TOX: variants seen among roughly 807,000 people sequenced by gnomAD.
The protein encoded by TOX is thymocyte selection associated high mobility group box.
TOX carries 11 observed loss-of-function variants against 53.7 expected under a neutral mutation model. That is an observed-to-expected ratio of 0.20 (90% CI 0.13 to 0.34). The LOEUF (loss-of-function observed/expected upper bound fraction) is 0.34, where lower values mean the gene tolerates loss of function less well. TOX is among the 10% of genes least tolerant of loss of function. The pLI is 1.00. For missense variants in TOX, 570 were observed against 664.6 expected, an observed-to-expected ratio of 0.86 and a Z score of 1.56; for synonymous variants, 225 against 245.3, an observed-to-expected ratio of 0.92 and a Z score of 0.77.
chr8:58,909,798 C>T (rs1210285768), intron 3 of TOX, among the ~76,000 whole-genome samples: 1 of 152,036 alleles, frequency 6.6e-6, no homozygotes, highest in Non-Finnish European at 1.5e-5. Context: ...GCTAGGATTA[C>T]AGGTGCCCAT....
chr8:58,865,148 G>A (rs912024761), intron 3 of TOX, among the ~76,000 whole-genome samples: 1 of 152,254 alleles, frequency 6.6e-6, no homozygotes, highest in Middle Eastern at 3.4e-3. Context: ...ACCCAGCAAA[G>A]CCTGTGGAAC....
At chr8:59,008,548 C>A (rs1813835184) in intron 1 of TOX, among the ~76,000 whole-genome samples, 1 of 150,644 alleles carries the variant, frequency 6.6e-6, no homozygotes, top group Non-Finnish European at 1.5e-5. Context: ...GCTAAGCCAT[C>A]ACCTGAGAGT....
intron 1 of TOX, among the ~76,000 whole-genome samples, chr8:59,089,440 G>A (rs1468938470): frequency 6.6e-6 from 1 of 152,158 alleles, no homozygotes; most frequent in African/African-American, 2.4e-5. Flanking sequence ...GTTCCTGCAA[G>A]TCCCTCATAC....
intron 3 of TOX, among the ~76,000 whole-genome samples, chr8:58,870,741 G>A (rs576151076): frequency 7.2e-5 from 11 of 152,088 alleles, no homozygotes; most frequent in East Asian, 1.9e-4. Context: ...AAATATAGTC[G>A]CTTATCTCTG....
At chr8:59,034,266 T>C (rs151006499) in intron 1 of TOX, among the ~76,000 whole-genome samples, 61 of 152,352 alleles carry the variant, frequency 4.0e-4, no homozygotes, top group African/African-American at 1.3e-3. Flanking sequence ...CAGATAAGAT[T>C]GAAATCTATG....
At position 58,805,946 on chromosome 8, in the gene TOX, A is replaced by G. The variant is rs570508128; in HGVS notation, c.*1801T>C. ...TCTGAGTGGATTACACAATGCATATATTTGTATTTAGTTAAACTGCTAAAT... is the reference window on the plus strand; with the variant it reads ...TCTGAGTGGATTACACAATGCATATGTTTGTATTTAGTTAAACTGCTAAAT... On this transcript the variant is annotated 3_prime_UTR_variant, in exon 9 of 9. Transcript: ENST00000361421. The G allele has an allele frequency of 3.3e-5, 5 of 152,764 alleles. No homozygotes were observed. The highest frequency in any genetic ancestry group is 1.2e-4 in the African/African-American group (5 of 41,584). The allele number at this position is 152,764 out of a possible 1,614,324, so 9.5% of individuals were successfully genotyped here.
At chr8:59,063,881 T>G (rs1337196553) in intron 1 of TOX, among the ~76,000 whole-genome samples, 1 of 151,330 alleles carries the variant, frequency 6.6e-6, no homozygotes, top group African/African-American at 2.4e-5. Context: ...CTTTTTGCTG[T>G]GATATATAAA....
chr8:58,929,257 A>G (rs1812219231), intron 3 of TOX, among the ~76,000 whole-genome samples: 1 of 152,064 alleles, frequency 6.6e-6, no homozygotes. Context: ...TGATTTTGGT[A>G]TTTTTCATAT....
In TOX at chr8:58,920,749, GAA is replaced by G. The variant is rs67652722; in HGVS notation, c.411+18551_411+18552del. Among the ~76,000 whole-genome samples the G allele has an allele frequency of 7.6e-3, 842 of 110,856 alleles. 11 individuals carry two copies. Among genetic ancestry groups the G allele is most frequent in the African/African-American group, 0.027 (795 of 29,868 alleles). The allele number at this position is 110,856 out of a possible 152,430, so 72.7% of individuals were successfully genotyped here. On this transcript the variant is annotated intron_variant, in intron 3 of 8. Coordinates refer to ENST00000361421, the MANE Select transcript of TOX (RefSeq NM_014729.3). ...AAAAAAAAAAAAAGAAAAAAAAGAA[GAA>G]AAAAAAAAAAGAATCTCTGATCTAG... is the stretch of plus-strand genomic sequence containing the variant.
At chr8:59,021,629 T>C (rs929757672) in intron 1 of TOX, among the ~76,000 whole-genome samples, 6 of 151,452 alleles carry the variant, frequency 4.0e-5, no homozygotes, top group African/African-American at 1.5e-4. Context: ...TTGGAACATA[T>C]CCAAAATACA....
chr8:58,945,573 A>T (rs577918195), intron 2 of TOX, among the ~76,000 whole-genome samples: 5 of 152,272 alleles, frequency 3.3e-5, no homozygotes, highest in Admixed American at 3.3e-4. Context: ...ATTCCTTTTT[A>T]ATCATACTGC....
intron 1 of TOX, among the ~76,000 whole-genome samples, chr8:58,986,448 G>A (rs1240864849): frequency 4.6e-5 from 7 of 152,304 alleles, no homozygotes; most frequent in Non-Finnish European, 7.3e-5. Flanking sequence ...TCTAAGCAAC[G>A]TGGATCGAAT....
intron 5 of TOX, among the ~76,000 whole-genome samples, chr8:58,836,354 A>C (rs1459724810): frequency 1.3e-5 from 2 of 152,200 alleles, no homozygotes; most frequent in Admixed American, 1.3e-4. Context: ...AAACTGACCC[A>C]AGTTAGAATA....
intron 1 of TOX, among the ~76,000 whole-genome samples, chr8:59,008,500 A>G (rs2129418561): frequency 6.6e-6 from 1 of 152,360 alleles, no homozygotes; most frequent in Admixed American, 6.5e-5. Flanking sequence ...CAAGCCTGGA[A>G]AGGACCGGAG....
At chr8:58,817,404 A>G (rs1810198856) in intron 6 of TOX, among the ~76,000 whole-genome samples, 1 of 152,058 alleles carries the variant, frequency 6.6e-6, no homozygotes, top group African/African-American at 2.4e-5. Context: ...AAAAAAAACA[A>G]GTTTTAAGTA....
Position 58,830,781 on chromosome 8 carries a change from T to C in TOX, c.925-3879A>G, listed in dbSNP as rs183819956. Among the ~76,000 whole-genome samples, 102 of 152,298 alleles carry C rather than the reference T, an allele frequency of 6.7e-4. 1 individual carries two copies. Among genetic ancestry groups the C allele is most frequent in the South Asian group, 2.1e-3 (10 of 4,832 alleles). On this transcript the variant is annotated intron_variant, in intron 5 of 8. Coordinates refer to ENST00000361421, the MANE Select transcript of TOX (RefSeq NM_014729.3). ...CCAATTCTGGATTCTATCCAAAAACTAAAGGCATTCTTCATTCTGGGTAAG... is the reference window on the plus strand; with the variant it reads ...CCAATTCTGGATTCTATCCAAAAACCAAAGGCATTCTTCATTCTGGGTAAG...
intron 3 of TOX, among the ~76,000 whole-genome samples, chr8:58,869,271 G>A (rs1811157760): frequency 6.9e-6 from 1 of 144,120 alleles, no homozygotes; most frequent in African/African-American, 2.6e-5. Flanking sequence ...ATATGAATAA[G>A]TCTATATTTA....
At chr8:58,839,223 G>A (rs1219821666) in intron 4 of TOX, among the ~76,000 whole-genome samples, 1 of 152,174 alleles carries the variant, frequency 6.6e-6, no homozygotes, top group African/African-American at 2.4e-5. Flanking sequence ...TATTCTATAT[G>A]GCAGCCACTA....
chr8:58,964,734 A>C (rs1470742844), intron 1 of TOX, among the ~76,000 whole-genome samples: 2 of 152,206 alleles, frequency 1.3e-5, no homozygotes, highest in African/African-American at 4.8e-5. Flanking sequence ...TTCTTAGTAG[A>C]AGAGTTTTCC....
Sources: gnomAD v4.1 joint callset for allele counts (sites outside exome capture counted in the v4.1 genomes callset) on GRCh38, gnomAD v4.1.1 for gene constraint, MANE v1.5 for transcripts, NCBI Gene and HGNC (gene_info 2026-07-23, HGNC 2026-07-21) for gene names.